The following NEURL1 variants were observed in gnomAD, a reference collection of about 807,000 sequenced individuals.
NEURL1 encodes the protein neuralized E3 ubiquitin protein ligase 1.
NEURL1 carries 26 observed loss-of-function variants against 41.2 expected under a neutral mutation model. The observed-to-expected ratio is 0.63, with a 90% CI of 0.46 to 0.87. The LOEUF is 0.87. Ranked by LOEUF, NEURL1 falls within the 40% of genes least tolerant of loss-of-function variation. The pLI, the probability that NEURL1 is intolerant of heterozygous loss-of-function variation, is 0.00. For synonymous variants in NEURL1, 400 were observed against 402.3 expected, an observed-to-expected ratio of 0.99 and a Z score of 0.07; for missense variants, 761 against 871.1, an observed-to-expected ratio of 0.87 and a Z score of 1.59.
intron 1 of NEURL1, among the ~76,000 whole-genome samples, chr10:103,505,546 G>A (rs2033927495): frequency 6.6e-6 from 1 of 151,962 alleles, no homozygotes; most frequent in African/African-American, 2.4e-5. Context: ...TTTAATTTTT[G>A]TAGAGACAGG....
In NEURL1 at chr10:103,571,507, A is replaced by G; in HGVS notation, c.334A>G (p.Lys112Glu). The change falls in exon 3 of 6, where the codon AAG (lysine) becomes GAG (glutamate). Residue 112 changes from lysine to glutamate, a missense_variant. Lys to Glu is a moderately conservative substitution (Grantham distance 56). Around this residue, in one of 5 missense-constraint regions of NEURL1, gnomAD observed 65 missense variants for 131.6 expected, o/e 0.49. Coordinates refer to ENST00000369780, the MANE Select transcript of NEURL1 (RefSeq NM_004210.5). ...GCCACCCCCTGCCACCCAGATCACC[A>G]AGAAGCAGTGCTGCTGGAGCGGGGC... Reference protein sequence around the residue: ...IYEQVRLKITKKQCCWSGALR... With the variant: ...IYEQVRLKITEKQCCWSGALR... 1 of 1,602,488 alleles carries G rather than the reference A, an allele frequency of 6.2e-7. No individual in the cohort carries two copies. Among genetic ancestry groups the G allele is most frequent in the Non-Finnish European group, 8.5e-7 (1 of 1,178,454 alleles).
intron 1 of NEURL1, among the ~76,000 whole-genome samples, chr10:103,532,833 G>T (rs891598353): frequency 6.6e-6 from 1 of 150,600 alleles, no homozygotes; most frequent in African/African-American, 2.4e-5. Context: ...TCCTTGATCT[G>T]GATGTCCACA....
At chr10:103,530,280 T>G (rs919208653) in intron 1 of NEURL1, among the ~76,000 whole-genome samples, 1 of 152,124 alleles carries the variant, frequency 6.6e-6, no homozygotes, top group African/African-American at 2.4e-5. Flanking sequence ...TTGAGATACT[T>G]CACTAGATTT....
At chr10:103,517,991 C>T (rs2034256404) in intron 1 of NEURL1, among the ~76,000 whole-genome samples, 1 of 152,232 alleles carries the variant, frequency 6.6e-6, no homozygotes, top group Non-Finnish European at 1.5e-5. Context: ...CACCTCCAGC[C>T]AGGTATCCTT....
intron 1 of NEURL1, among the ~76,000 whole-genome samples, chr10:103,544,387 G>T (rs1374302183): frequency 1.3e-5 from 2 of 152,154 alleles, no homozygotes; most frequent in Non-Finnish European, 2.9e-5. Flanking sequence ...AGACCCTGGT[G>T]GAAGGGGGAA....
At chr10:103,571,378 A>C in intron 2 of NEURL1, 123 bp from the exon 3 acceptor site, 4 of 1,083,926 alleles carry the variant, frequency 3.7e-6, no homozygotes, top group Non-Finnish European at 5.2e-6. Flanking sequence ...CTGGGAGGGA[A>C]CTGTGCTGGA....
chr10:103,499,350 C>A (rs1431137184), intron 1 of NEURL1, among the ~76,000 whole-genome samples: 1 of 152,158 alleles, frequency 6.6e-6, no homozygotes, highest in East Asian at 1.9e-4. Flanking sequence ...GGGGAAGGCT[C>A]ATCCTTGGAC....
chr10:103,570,251 C>T (rs2035510539), intron 1 of NEURL1, among the ~76,000 whole-genome samples: 1 of 152,156 alleles, frequency 6.6e-6, no homozygotes, highest in Non-Finnish European at 1.5e-5. Context: ...GTCCCCAGCC[C>T]CTGAGGCTGT....
chr10:103,553,037 G>A (rs1394612164), intron 1 of NEURL1, among the ~76,000 whole-genome samples: 4 of 152,238 alleles, frequency 2.6e-5, no homozygotes, highest in Admixed American at 2.6e-4. Context: ...TGGGGCCATA[G>A]GAAGGCCAGG....
Position 103,571,538 on chromosome 10 carries a change from G to A in NEURL1, c.365G>A (p.Arg122Gln), listed in dbSNP as rs771941511. ...KKQCCWSGAL[R>Q]LGFTSKDPSR... is the part of the protein sequence containing the mutation. ...CAGTGCTGCTGGAGCGGGGCCCTGCGGCTGGGCTTCACCAGCAAGGACCCG... is the reference window on the plus strand; with the variant it reads ...CAGTGCTGCTGGAGCGGGGCCCTGCAGCTGGGCTTCACCAGCAAGGACCCG... Residue 122 changes from arginine to glutamine, a missense_variant, in exon 3 of 6, where the codon CGG becomes CAG. Physicochemically the swap from Arg to Gln is conservative, Grantham distance 43. Around this residue, in one of 5 missense-constraint regions of NEURL1, gnomAD observed 65 missense variants for 131.6 expected, o/e 0.49. Transcript: ENST00000369780. The A allele has an allele frequency of 1.2e-6, 2 of 1,610,166 alleles. No homozygotes were observed. Among genetic ancestry groups the A allele is most frequent in the Admixed American group, 1.7e-5 (1 of 60,000 alleles).
chr10:103,577,182 T>C (rs2035684043), intron 3 of NEURL1, among the ~76,000 whole-genome samples: 1 of 152,338 alleles, frequency 6.6e-6, no homozygotes, highest in Non-Finnish European at 1.5e-5. Flanking sequence ...ATCTTGCTTT[T>C]CCTTCTGCTT....
At chr10:103,500,009 C>T (rs1455145095) in intron 1 of NEURL1, among the ~76,000 whole-genome samples, 1 of 152,152 alleles carries the variant, frequency 6.6e-6, no homozygotes, top group Non-Finnish European at 1.5e-5. Context: ...TGGGCTCCTT[C>T]CTTGGTTGTC....
At chr10:103,582,497 A>G (rs950989399) in intron 3 of NEURL1, among the ~76,000 whole-genome samples, 1 of 152,012 alleles carries the variant, frequency 6.6e-6, no homozygotes, top group African/African-American at 2.4e-5. Context: ...CCAATCAGCC[A>G]GGCCCCAGGA....
intron 1 of NEURL1, among the ~76,000 whole-genome samples, chr10:103,525,864 A>G (rs1231940476): frequency 2.0e-5 from 3 of 152,128 alleles, no homozygotes; most frequent in South Asian, 2.1e-4. Context: ...CCCTTTCAGT[A>G]TGATGTTGGC....
intron 1 of NEURL1, among the ~76,000 whole-genome samples, chr10:103,560,678 T>C (rs1257335156): frequency 6.6e-6 from 1 of 152,080 alleles, no homozygotes; most frequent in Non-Finnish European, 1.5e-5. Context: ...GTGGTGTTCA[T>C]GGAGAAACTA....
Position 103,591,638 on chromosome 10 carries a change from C to G in NEURL1, c.*1266C>G, listed in dbSNP as rs2036050108. ...CCAAATTGGGAGGCCTTTTGGCAAA[C>G]AGTGTCTATTTTACAGAGAGGCAAA... On this transcript the variant is annotated 3_prime_UTR_variant, in exon 6 of 6. Coordinates refer to ENST00000369780, the MANE Select transcript of NEURL1 (RefSeq NM_004210.5). The G allele has an allele frequency of 6.6e-6, 1 of 152,206 alleles. No individual in the cohort carries two copies. Among genetic ancestry groups the G allele is most frequent in the African/African-American group, 2.4e-5 (1 of 41,446 alleles). 9.4% of individuals were successfully genotyped at this position (152,206 alleles called of 1,614,324 possible).
At chr10:103,570,850 A>T in intron 1 of NEURL1, 22 bp from the exon 2 acceptor site, 2 of 1,604,868 alleles carry the variant, frequency 1.2e-6, no homozygotes, top group South Asian at 2.2e-5. Flanking sequence ...GTTCTCTGAC[A>T]CCGTGGCCTG....
rs971602766 is a variant in NEURL1 at position 103,556,565 on chromosome 10, C to A, written c.86-14307C>A. Among the ~76,000 whole-genome samples the A allele has an allele frequency of 2.0e-5, 3 of 152,104 alleles. No individual in the cohort carries two copies. The highest frequency in any genetic ancestry group is 7.2e-5 in the African/African-American group (3 of 41,424). On this transcript the variant is annotated intron_variant, in intron 1 of 5. Coordinates refer to ENST00000369780, the MANE Select transcript of NEURL1 (RefSeq NM_004210.5). The surrounding 1 kb of genome is among the most constrained non-coding windows in gnomAD (Gnocchi z 4.4). The stretch of plus-strand genomic sequence containing the variant: ...GAACTGGTGACCAGGTGGCTTCTCC[C>A]TTCCAGGCTCTGGACTTTGGGAGAG...
chr10:103,542,729 G>C (rs1484376052), intron 1 of NEURL1, among the ~76,000 whole-genome samples: 1 of 152,128 alleles, frequency 6.6e-6, no homozygotes, highest in Non-Finnish European at 1.5e-5. Flanking sequence ...TTTCAGCTTT[G>C]GTTTTCTCAT....
Sources: gnomAD v4.1 joint callset for allele counts (sites outside exome capture counted in the v4.1 genomes callset) on GRCh38, gnomAD v4.1.1 for gene constraint, gnomAD v4.1.1 regional missense constraint, Gnocchi (gnomAD v3.1) non-coding constraint, MANE v1.5 for transcripts, NCBI Gene and HGNC (gene_info 2026-07-23, HGNC 2026-07-21) for gene names.